The following FHAD1 variants were observed in gnomAD, a reference collection of about 807,000 sequenced individuals.
FHAD1 encodes forkhead-associated domain-containing protein 1.
A neutral mutation model predicts 191.3 loss-of-function variants in FHAD1; 146 were observed. The observed-to-expected ratio is 0.76, with a 90% confidence interval of 0.67 to 0.88. The LOEUF is 0.88. Ranked by LOEUF, FHAD1 falls within the 40% of genes least tolerant of loss-of-function variation. FHAD1 has a pLI of 0.00. For missense variants in FHAD1, 1,635 were observed against 1,785.8 expected, an observed-to-expected ratio of 0.92 and a Z score of 1.52; for synonymous variants, 616 against 672.3, an observed-to-expected ratio of 0.92 and a Z score of 1.29.
At chr1:15,384,024 A>C in intron 31 of FHAD1, 1 of 258,732 alleles carries the variant, frequency 3.9e-6, no homozygotes, top group Non-Finnish European at 8.1e-6. Context: ...GCACATGTGT[A>C]CCATGTGCAT....
intron 2 of FHAD1, among the ~76,000 whole-genome samples, chr1:15,252,772 G>T (rs900917290): frequency 6.6e-6 from 1 of 152,234 alleles, no homozygotes; most frequent in African/African-American, 2.4e-5. Flanking sequence ...CTTAGCCTGG[G>T]CATTCTTTCA....
chr1:15,313,206 G>C lies in FHAD1; in HGVS notation c.1170+19G>C, dbSNP rs769537613. 1.3e-6 allele frequency: 2 copies of C among 1,551,054 alleles called. No homozygotes were observed. The highest frequency in any genetic ancestry group is 2.4e-5 in the South Asian group (2 of 84,000). On this transcript the variant is annotated intron_variant, in intron 8 of 33. Coordinates refer to ENST00000688493, the MANE Select transcript of FHAD1 (RefSeq NM_001391957.1). ...CTCTAGAGTGAGTAAGGATGACTGCGTCACCTTGTAGCCATCCGGTGAAAA... is the reference window on the plus strand; with the variant it reads ...CTCTAGAGTGAGTAAGGATGACTGCCTCACCTTGTAGCCATCCGGTGAAAA...
At chr1:15,293,568 A>C (rs1025648973) in intron 4 of FHAD1, among the ~76,000 whole-genome samples, 3 of 152,140 alleles carry the variant, frequency 2.0e-5, no homozygotes, top group African/African-American at 7.2e-5. Context: ...AAATACAAAA[A>C]TTAGCTGGGT....
intron 14 of FHAD1, among the ~76,000 whole-genome samples, chr1:15,330,530 A>C (rs1243657236): frequency 2.0e-5 from 3 of 152,246 alleles, no homozygotes; most frequent in African/African-American, 2.4e-5. Context: ...CTCAGGGGGA[A>C]GGATGAGGTG....
intron 15 of FHAD1, among the ~76,000 whole-genome samples, chr1:15,340,632 G>T (rs1469214166): frequency 6.6e-6 from 1 of 152,112 alleles, no homozygotes; most frequent in Non-Finnish European, 1.5e-5. Context: ...GTGTCTGGAG[G>T]CAAAATATGG....
intron 3 of FHAD1, among the ~76,000 whole-genome samples, chr1:15,277,381 C>A: frequency 6.6e-6 from 1 of 152,200 alleles, no homozygotes; most frequent in South Asian, 2.1e-4. Context: ...CCTTTCTGAG[C>A]CTCAGTTTCC....
At chr1:15,303,624 C>T (rs1016576363) in intron 6 of FHAD1, among the ~76,000 whole-genome samples, 2 of 152,060 alleles carry the variant, frequency 1.3e-5, no homozygotes, top group Non-Finnish European at 2.9e-5. Flanking sequence ...CCAAGGCAGG[C>T]GGATCACCTG....
At chr1:15,391,031 G>A (rs533298235) in intron 32 of FHAD1, 179 bp from the exon 33 acceptor site, 135 of 272,084 alleles carry the variant, frequency 5.0e-4, no homozygotes, top group African/African-American at 2.8e-3. Flanking sequence ...CCCCCTTCTC[G>A]TTGAGAAAAT....
At chr1:15,265,310 A>G (rs1652923114) in intron 2 of FHAD1, among the ~76,000 whole-genome samples, 1 of 152,192 alleles carries the variant, frequency 6.6e-6, no homozygotes. Context: ...GTTCACAGGA[A>G]CTTCTCAAAA....
chr1:15,378,581 G>A (rs985208096), intron 28 of FHAD1, among the ~76,000 whole-genome samples: 15 of 152,260 alleles, frequency 9.9e-5, no homozygotes, highest in African/African-American at 2.6e-4. Context: ...ACCAAGCTGC[G>A]TTTTAGGTTC....
intron 14 of FHAD1, among the ~76,000 whole-genome samples, chr1:15,330,894 A>G (rs1264251477): frequency 6.6e-6 from 1 of 152,066 alleles, no homozygotes; most frequent in African/African-American, 2.4e-5. Context: ...GCAAGTGGAC[A>G]ACGTCCTGGA....
intron 2 of FHAD1, among the ~76,000 whole-genome samples, chr1:15,254,879 A>G (rs1647274485): frequency 6.6e-6 from 1 of 152,166 alleles, no homozygotes; most frequent in South Asian, 2.1e-4. Context: ...GATGTGGGGG[A>G]CACAGGTCTG....
chr1:15,299,933 A>G (rs761329240), intron 5 of FHAD1, among the ~76,000 whole-genome samples: 2 of 152,236 alleles, frequency 1.3e-5, no homozygotes, highest in Admixed American at 6.5e-5. Flanking sequence ...GTTGGGCTCC[A>G]TCATGACCAA....
intron 8 of FHAD1, chr1:15,315,385 G>A (rs1260994638): frequency 6.6e-6 from 1 of 151,754 alleles, no homozygotes; most frequent in East Asian, 1.9e-4. Flanking sequence ...TTCCTCACAT[G>A]GATAAGAGCT....
chr1:15,380,727 G>T lies in FHAD1; in HGVS notation c.3732G>T (p.Arg1244Ser), dbSNP rs750228054. ...LAPQNGLCNA[R>S]FGSAMEKSGK... ...CTCAGAATGGCCTTTGCAACGCAAG[G>T]TTCGGCTCAGCCATGGAGAAGTCAG... The change falls in exon 29 of 34, where the codon AGG becomes AGT. Residue 1244 changes from arginine (R) to serine (S), a missense_variant. Coordinates refer to ENST00000688493, the MANE Select transcript of FHAD1 (RefSeq NM_001391957.1). 5 of 1,551,728 alleles carry T rather than the reference G, an allele frequency of 3.2e-6. No homozygotes were observed. In the South Asian group the frequency reaches 3.6e-5, roughly 11 times the overall value.
intron 32 of FHAD1, 94 bp from the exon 33 acceptor site, chr1:15,391,116 G>C: frequency 1.8e-6 from 1 of 541,184 alleles, no homozygotes; most frequent in Non-Finnish European, 2.8e-6. Context: ...CAAATGGTTA[G>C]CATCTAAAAG....
chr1:15,389,630 A>G (rs933677607), intron 32 of FHAD1, among the ~76,000 whole-genome samples: 2 of 152,084 alleles, frequency 1.3e-5, no homozygotes, highest in African/African-American at 4.8e-5. Flanking sequence ...AGCTAAATAC[A>G]GGCCACGATT....
intron 5 of FHAD1, among the ~76,000 whole-genome samples, chr1:15,299,219 G>GAAAAAAAAAAA (rs796954256): frequency 8.4e-6 from 1 of 119,538 alleles, no homozygotes; most frequent in African/African-American, 3.7e-5. Context: ...AAAAAAAAAG[G>GAAAAAAAAAAA]AAAAAAAAAA....
intron 33 of FHAD1, among the ~76,000 whole-genome samples, chr1:15,395,796 A>AT (rs35262234): frequency 0.078 from 11,796 of 150,382 alleles, 1,475 homozygotes; most frequent in African/African-American, 0.26. Flanking sequence ...TTATGGGATA[A>AT]TTTTTTTTTT....
Sources: allele counts gnomAD v4.1 joint callset (sites outside exome capture counted in the v4.1 genomes callset), GRCh38; gene constraint gnomAD v4.1.1; transcripts MANE v1.5; gene names NCBI Gene and HGNC (gene_info 2026-07-23, HGNC 2026-07-21).